The following ERC2 variants were observed in gnomAD, a reference collection of about 807,000 sequenced individuals.
ERC2 encodes ERC protein 2.
Under a neutral mutation model 114.8 loss-of-function variants are expected in ERC2, and 42 were observed. The ratio of observed to expected loss-of-function variants is 0.37; its 90% CI spans 0.29 to 0.47. The LOEUF is 0.47. Ranked by LOEUF, ERC2 falls within the 20% of genes least tolerant of loss-of-function variation. The pLI is 0.99. For synonymous variants in ERC2, 454 were observed against 425.5 expected (o/e 1.07, Z -0.82); for missense variants, 939 against 1,150.7 (o/e 0.82, Z 2.66).
chr3:55,583,387 TTTCCTTCCTTCTTTCCTTCCTTCCTTCC>T (rs1340309435), intron 17 of ERC2, among the ~76,000 whole-genome samples: 1 of 127,682 alleles, frequency 7.8e-6, no homozygotes, highest in African/African-American at 3.4e-5. Flanking sequence ...TCCTTCTTTC[TTTCCTTCCTTCTTTCCTTCCTTCCTTCC>T]TTCCTTCCTT....
intron 17 of ERC2, among the ~76,000 whole-genome samples, chr3:55,528,846 C>T (rs1047041035): frequency 9.2e-5 from 14 of 152,224 alleles, no homozygotes; most frequent in Middle Eastern, 3.4e-3. Context: ...AGTTTGATAA[C>T]GAAAAATGTC....
At chr3:55,841,521 C>T (rs1057464799) in intron 14 of ERC2, among the ~76,000 whole-genome samples, 2 of 152,156 alleles carry the variant, frequency 1.3e-5, no homozygotes, top group African/African-American at 4.8e-5. Flanking sequence ...TCTTTATTAG[C>T]AGAGTGACAA....
chr3:56,126,065 C>T (rs2079846668), intron 6 of ERC2, among the ~76,000 whole-genome samples: 1 of 152,210 alleles, frequency 6.6e-6, no homozygotes, highest in East Asian at 1.9e-4. Flanking sequence ...CATCTGACTG[C>T]ACTCTCCCTC....
chr3:55,607,309 G>A (rs547687910), intron 17 of ERC2, among the ~76,000 whole-genome samples: 1 of 152,178 alleles, frequency 6.6e-6, no homozygotes, highest in East Asian at 1.9e-4. Flanking sequence ...GTCAGGGAAG[G>A]CTTCCTGGGA....
chr3:56,281,483 T>C (rs1019994266), intron 3 of ERC2, among the ~76,000 whole-genome samples: 2 of 150,604 alleles, frequency 1.3e-5, no homozygotes, highest in Non-Finnish European at 3.0e-5. Flanking sequence ...TTATCTCTGC[T>C]TACAATTTGT....
intron 14 of ERC2, among the ~76,000 whole-genome samples, chr3:55,812,442 G>T (rs1312616735): frequency 1.3e-5 from 2 of 152,148 alleles, no homozygotes; most frequent in East Asian, 3.8e-4. Flanking sequence ...AATCCATCAC[G>T]CAAATACTTG....
chr3:56,235,260 A>T (rs1245915585), intron 3 of ERC2, among the ~76,000 whole-genome samples: 33 of 152,220 alleles, frequency 2.2e-4, no homozygotes, highest in Admixed American at 2.2e-3. Context: ...AGTAAACAAG[A>T]TAGGTATGGC....
chr3:55,775,665 T>C (rs542020057), intron 14 of ERC2, among the ~76,000 whole-genome samples: 170 of 151,942 alleles, frequency 1.1e-3, no homozygotes, highest in African/African-American at 3.6e-3. Context: ...AGATAGATAA[T>C]ATGAACAAAT....
At position 55,722,497 on chromosome 3, in the gene ERC2, C is replaced by T. The variant is rs555213691; in HGVS notation, c.2712+12274G>A. On this transcript the variant is annotated intron_variant, in intron 15 of 17. Coordinates refer to ENST00000288221, the MANE Select transcript of ERC2 (RefSeq NM_015576.3). The stretch of plus-strand genomic sequence containing the variant: ...CTATTCAAAATCAGCTCCCCAAATC[C>T]CTCATAGAGCATCATCTTTGGTTTT... Among the ~76,000 whole-genome samples, 12 of 152,294 alleles carry T rather than the reference C, an allele frequency of 7.9e-5. No individual in the cohort carries two copies. The South Asian group carries it at 2.3e-3, about 29-fold the overall frequency.
At chr3:56,308,299 T>C (rs902442561) in intron 2 of ERC2, among the ~76,000 whole-genome samples, 2 of 152,182 alleles carry the variant, frequency 1.3e-5, no homozygotes, top group African/African-American at 4.8e-5. Context: ...GAATTTCATC[T>C]TGAACAACTC....
intron 2 of ERC2, among the ~76,000 whole-genome samples, chr3:56,400,550 T>A (rs1423789835): frequency 6.6e-6 from 1 of 152,150 alleles, no homozygotes; most frequent in East Asian, 1.9e-4. Context: ...GTGCTGAATA[T>A]TTTTCAGAAG....
intron 6 of ERC2, among the ~76,000 whole-genome samples, chr3:56,098,670 G>C (rs2149799325): frequency 6.6e-6 from 1 of 152,252 alleles, no homozygotes; most frequent in East Asian, 1.9e-4. Flanking sequence ...GTCCACTCCA[G>C]TCTGTTGGAA....
chr3:56,211,582 A>C (rs1254808657), intron 3 of ERC2, among the ~76,000 whole-genome samples: 1 of 152,130 alleles, frequency 6.6e-6, no homozygotes, highest in Non-Finnish European at 1.5e-5. Context: ...CATTCTTCAC[A>C]GAAGTAGAAA....
chr3:56,107,558 T>C (rs1411500862), intron 6 of ERC2, among the ~76,000 whole-genome samples: 5 of 152,150 alleles, frequency 3.3e-5, no homozygotes, highest in Admixed American at 2.6e-4. Flanking sequence ...CCACCTCTGA[T>C]ACTCTGCTTT....
chr3:55,695,221 C>G (rs1475058614), intron 16 of ERC2, among the ~76,000 whole-genome samples: 2 of 152,184 alleles, frequency 1.3e-5, no homozygotes, highest in African/African-American at 4.8e-5. Context: ...CAGCATGTTT[C>G]ATTTACTCTT....
intron 15 of ERC2, among the ~76,000 whole-genome samples, chr3:55,713,857 A>G (rs559975514): frequency 9.2e-5 from 14 of 152,308 alleles, no homozygotes; most frequent in African/African-American, 3.1e-4. Context: ...TCATATACAT[A>G]TAAGTTTGTC....
chr3:56,300,280 C>CAAAAAAAAAA (rs200816892), intron 2 of ERC2, among the ~76,000 whole-genome samples: 31 of 93,134 alleles, frequency 3.3e-4, no homozygotes, highest in Non-Finnish European at 5.0e-4. Context: ...TCATGAAATA[C>CAAAAAAAAAA]AAAAAAAAAA....
At chr3:55,799,738 C>A (rs751684326) in intron 14 of ERC2, among the ~76,000 whole-genome samples, 5 of 151,986 alleles carry the variant, frequency 3.3e-5, no homozygotes, top group Non-Finnish European at 5.9e-5. Flanking sequence ...GCCCCTCTCA[C>A]GAAAACACCT....
intron 10 of ERC2, among the ~76,000 whole-genome samples, chr3:55,995,559 C>T (rs2071440509): frequency 6.6e-6 from 1 of 152,096 alleles, no homozygotes; most frequent in African/African-American, 2.4e-5. Context: ...ATAAAGATGA[C>T]AGGGAAACCG....
Sources: gnomAD v4.1 joint callset for allele counts (sites outside exome capture counted in the v4.1 genomes callset) on GRCh38, gnomAD v4.1.1 for gene constraint, MANE v1.5 for transcripts, NCBI Gene and HGNC (gene_info 2026-07-23, HGNC 2026-07-21) for gene names.